SATL1: variants seen among roughly 807,000 people sequenced by gnomAD.
The protein encoded by SATL1 is spermidine/spermine N(1)-acetyltransferase-like protein 1.
A neutral mutation model predicts 51.8 loss-of-function variants in SATL1; 47 were observed. The observed-to-expected ratio is 0.91, with a 90% confidence interval of 0.72 to 1.16. The LOEUF (loss-of-function observed/expected upper bound fraction) is 1.16, where lower values mean the gene tolerates loss of function less well. Among genes scored for constraint, SATL1 ranks in the 50% most tolerant of loss-of-function variants. The pLI, the probability that SATL1 is intolerant of heterozygous loss-of-function variation, is 0.00. For missense variants in SATL1, 520 were observed against 526.4 expected (o/e 0.99, Z 0.12); for synonymous variants, 176 against 182.4 (o/e 0.97, Z 0.28).
At chrX:85,199,678 A>C (rs1858549950) in intron 2 of SATL1, among the ~76,000 whole-genome samples, 1 of 112,065 alleles carries the variant, frequency 8.9e-6, no homozygotes, top group Non-Finnish European at 1.9e-5. Flanking sequence ...CAGGCACAGA[A>C]AGACAAACTT....
At chrX:85,223,457 A>G (rs1186413568) in intron 2 of SATL1, among the ~76,000 whole-genome samples, 1 of 111,662 alleles carries the variant, frequency 9.0e-6, no homozygotes, top group Admixed American at 9.5e-5. Flanking sequence ...AGAAAGATGA[A>G]GTCAAGTTTT....
chrX:85,239,107 G>A lies in SATL1; in HGVS notation c.-435+4481C>T, dbSNP rs781153034. On this transcript the variant is annotated intron_variant, in intron 1 of 7. Coordinates refer to ENST00000644105, the MANE Select transcript of SATL1 (RefSeq NM_001367857.2). Reference sequence around the variant, plus strand: ...ATCTCATGTTAAGTGTTCTTACCACGATTAATAAAATAAAATAAAATGAAA... The same window carrying A: ...ATCTCATGTTAAGTGTTCTTACCACAATTAATAAAATAAAATAAAATGAAA... 1.8e-3 allele frequency among the ~76,000 whole-genome samples: 200 copies of A among 109,529 alleles called. 7 individuals carry two copies. The highest frequency in any genetic ancestry group is 5.0e-4 in the Non-Finnish European group (26 of 52,442).
chrX:85,201,862 C>T (rs1293078784), intron 2 of SATL1, among the ~76,000 whole-genome samples: 1 of 112,142 alleles, frequency 8.9e-6, no homozygotes, highest in Admixed American at 9.5e-5. Flanking sequence ...TCCAGTCTGT[C>T]ATTGATGGGC....
intron 2 of SATL1, among the ~76,000 whole-genome samples, chrX:85,128,236 T>A (rs764782085): frequency 6.9e-4 from 77 of 111,948 alleles, no homozygotes; most frequent in African/African-American, 2.4e-3. Flanking sequence ...TCTCCCACAA[T>A]GGTTGAACTA....
chrX:85,172,797 C>G (rs1373134106), intron 2 of SATL1, among the ~76,000 whole-genome samples: 1 of 110,649 alleles, frequency 9.0e-6, no homozygotes, highest in East Asian at 2.8e-4. Flanking sequence ...ACAAAGAAAA[C>G]AAAAACAAAC....
chrX:85,201,230 G>C (rs1247923477), intron 2 of SATL1, among the ~76,000 whole-genome samples: 1 of 111,232 alleles, frequency 9.0e-6, no homozygotes, highest in African/African-American at 3.3e-5. Context: ...GTTTTACTTA[G>C]AGATTTAAAA....
intron 3 of SATL1, among the ~76,000 whole-genome samples, chrX:85,107,112 T>G (rs978667763): frequency 8.9e-6 from 1 of 112,001 alleles, no homozygotes; most frequent in Non-Finnish European, 1.9e-5. Context: ...ATGTAATCAT[T>G]TTATGTTATT....
At chrX:85,156,133 A>T (rs1926580750) in intron 2 of SATL1, among the ~76,000 whole-genome samples, 1 of 111,829 alleles carries the variant, frequency 8.9e-6, no homozygotes, top group South Asian at 3.7e-4. Flanking sequence ...AGACAATCTT[A>T]AGTAAACCAC....
intron 2 of SATL1, chrX:85,116,128 T>G (rs1823825104): frequency 9.0e-6 from 1 of 111,527 alleles, no homozygotes; most frequent in South Asian, 3.8e-4. Flanking sequence ...TGTATCCAAG[T>G]CACATGACAC....
At chrX:85,207,923 T>C (rs1315603468) in intron 2 of SATL1, 1 of 111,900 alleles carries the variant, frequency 8.9e-6, no homozygotes, top group Non-Finnish European at 1.9e-5. Context: ...TAAATTATAC[T>C]TTAAGTTCTA....
At chrX:85,214,302 A>C in intron 2 of SATL1, among the ~76,000 whole-genome samples, 1 of 111,174 alleles carries the variant, frequency 9.0e-6, no homozygotes, top group Non-Finnish European at 1.9e-5. Flanking sequence ...GCAAGAGAGG[A>C]TACAAGGAGA....
chrX:85,228,893 C>T (rs1041943427), intron 1 of SATL1, among the ~76,000 whole-genome samples: 2 of 111,369 alleles, frequency 1.8e-5, no homozygotes, highest in Non-Finnish European at 3.8e-5. Flanking sequence ...GGACTTCTCC[C>T]CTGAAATCCA....
At position 85,108,429 on chromosome X, in the gene SATL1, T is replaced by C. The variant is rs773127405; in HGVS notation, c.540A>G (p.Gln180=). 7.4e-6 allele frequency: 9 copies of C among 1,211,959 alleles called. No homozygotes were observed. The highest frequency in any genetic ancestry group is 1.7e-5 in the African/African-American group (1 of 57,826). Residue 180 remains glutamine, a synonymous_variant, in exon 3 of 8, where the codon CAA becomes CAG. Coordinates refer to ENST00000644105, the MANE Select transcript of SATL1 (RefSeq NM_001367857.2). ...TCATGTTTGGTTGCCTCAGGACTGG[T>C]TGGCTCAGTCCTGTTTGCCATGTGC... ...QPGTWQTGLS[Q]PVLRQPNMSP...
intron 1 of SATL1, among the ~76,000 whole-genome samples, chrX:85,235,678 T>G (rs1249497114): frequency 1.8e-5 from 2 of 110,808 alleles, no homozygotes; most frequent in African/African-American, 6.5e-5. Context: ...CTGTGAGATA[T>G]AGCCAAAGCA....
chrX:85,173,038 T>C (rs1169957293), intron 2 of SATL1, among the ~76,000 whole-genome samples: 1 of 111,825 alleles, frequency 8.9e-6, no homozygotes, highest in African/African-American at 3.2e-5. Flanking sequence ...AAATATGTTT[T>C]TATAAACAAA....
chrX:85,172,346 A>G (rs1179507847), intron 2 of SATL1, among the ~76,000 whole-genome samples: 2 of 111,626 alleles, frequency 1.8e-5, no homozygotes, highest in African/African-American at 3.2e-5. Flanking sequence ...TGTAATGTCA[A>G]ATAACACAAA....
chrX:85,235,077 A>G (rs1474308443), intron 1 of SATL1, among the ~76,000 whole-genome samples: 6 of 111,612 alleles, frequency 5.4e-5, no homozygotes, highest in African/African-American at 1.6e-4. Flanking sequence ...AAGTATACTT[A>G]TTTGAGACAA....
In SATL1 at chrX:85,108,161, C is replaced by T; in HGVS notation, c.808G>A (p.Gly270Ser). ...TGGTTCATGTCCATTTGGTTCATAC[C>T]AAGTAAGCTTGGGCTTGGCTGGATT... The part of the protein sequence containing the change: ...GIIQPSPSLL[G>S]MNQMDMNQWS... Residue 270 changes from glycine to serine, a missense_variant, in exon 3 of 8, where the codon GGT becomes AGT. Physicochemically the swap from Gly to Ser is moderately conservative, Grantham distance 56 (BLOSUM62 0). Around this residue, in one of 3 missense-constraint regions of SATL1, gnomAD observed 488 missense variants for 474.3 expected, o/e 1.03. Coordinates refer to ENST00000644105, the MANE Select transcript of SATL1 (RefSeq NM_001367857.2). 8.3e-7 allele frequency: 1 copy of T among 1,211,786 alleles called. No individual in the cohort carries two copies. Among genetic ancestry groups the T allele is most frequent in the South Asian group, 1.8e-5 (1 of 57,017 alleles).
intron 2 of SATL1, among the ~76,000 whole-genome samples, chrX:85,202,088 A>T (rs187976897): frequency 8.9e-6 from 1 of 111,922 alleles, no homozygotes; most frequent in African/African-American, 3.2e-5. Flanking sequence ...ACAGTGTATA[A>T]GGGTTCCCTT....
Sources: allele counts gnomAD v4.1 joint callset (sites outside exome capture counted in the v4.1 genomes callset), GRCh38; gene constraint gnomAD v4.1.1; regional missense constraint gnomAD v4.1.1; transcripts MANE v1.5; gene names NCBI Gene and HGNC (gene_info 2026-07-23, HGNC 2026-07-21).